The following MANBA variants were observed in gnomAD, a reference collection of about 807,000 sequenced individuals.
MANBA encodes the protein beta-mannosidase.
A neutral mutation model predicts 111.1 loss-of-function variants in MANBA; 83 were observed. That is an observed-to-expected ratio of 0.75 (90% confidence interval 0.63 to 0.90). MANBA has a LOEUF of 0.90. Ranked by LOEUF, MANBA falls within the 40% of genes least tolerant of loss-of-function variation. The pLI is 0.00. For synonymous variants in MANBA, 370 were observed against 378.7 expected (o/e 0.98, Z 0.27); for missense variants, 1,036 against 1,069.0 (o/e 0.97, Z 0.43).
Position 102,754,709 on chromosome 4 carries a change from A to G in MANBA, c.177+6009T>C, listed in dbSNP as rs191065772. Among the ~76,000 whole-genome samples the G allele has an allele frequency of 2.8e-4, 42 of 152,068 alleles. 1 individual carries two copies. Among genetic ancestry groups the G allele is most frequent in the Admixed American group, 4.6e-4 (7 of 15,268 alleles). On this transcript the variant is annotated intron_variant, in intron 1 of 16. Transcript: ENST00000647097. ...GTAGCTGGGACTACAGGTGCTGGCC[A>G]CCACGCCGGACTAATTTTTTGTATT...
chr4:102,658,422 A>T (rs532677887), intron 11 of MANBA, among the ~76,000 whole-genome samples: 2 of 152,350 alleles, frequency 1.3e-5, no homozygotes, highest in Admixed American at 1.3e-4. Context: ...CACAGGTCTA[A>T]CAGGTAAGAA....
chr4:102,709,171 A>C (rs745388369), intron 5 of MANBA, among the ~76,000 whole-genome samples: 116 of 151,412 alleles, frequency 7.7e-4, no homozygotes, highest in Admixed American at 1.3e-3. Context: ...AAAAGAAAGG[A>C]AAGGAGGGAG....
In MANBA at chr4:102,634,990, C is replaced by T. The variant is rs201530225; in HGVS notation, c.2213G>A (p.Arg738His). ...AGCCTCTCCTCCTTTCATCACAAAA[C>T]GTTCAGTCACACGAGAGCACACGGG... ...LEPVCSRVTE[R>H]FVMKGGEAVC... Residue 738 changes from arginine (R) to histidine (H), a missense_variant, in exon 16 of 17, where the codon CGT becomes CAT. Arg to His is a conservative substitution (Grantham distance 29, BLOSUM62 0). Transcript: ENST00000647097. 9 of 1,614,020 alleles carry T rather than the reference C, an allele frequency of 5.6e-6. No individual in the cohort carries two copies. The highest frequency in any genetic ancestry group is 3.3e-4 in the Middle Eastern group (2 of 6,084).
chr4:102,669,150 A>G, intron 9 of MANBA, 101 bp from the exon 10 acceptor site: 1 of 930,688 alleles, frequency 1.1e-6, no homozygotes, highest in Non-Finnish European at 1.7e-6. Context: ...CACACAAATG[A>G]AAAATCCAGT....
At chr4:102,728,855 C>G in intron 1 of MANBA, 1 of 842,864 alleles carries the variant, frequency 1.2e-6, no homozygotes, top group South Asian at 1.4e-5. Flanking sequence ...GGAGCTGGAG[C>G]CCACACCAGA....
intron 13 of MANBA, among the ~76,000 whole-genome samples, chr4:102,642,727 C>G (rs1368816691): frequency 2.6e-5 from 4 of 152,158 alleles, no homozygotes. Context: ...ATACGAAGAC[C>G]TAAGTTCCAG....
intron 1 of MANBA, chr4:102,752,677 A>G: frequency 2.0e-6 from 1 of 512,052 alleles, no homozygotes; most frequent in Non-Finnish European, 3.9e-6. Flanking sequence ...GATTCTTTAT[A>G]CAAATGAACT....
At chr4:102,683,449 G>A (rs1380287693) in intron 7 of MANBA, among the ~76,000 whole-genome samples, 2 of 152,118 alleles carry the variant, frequency 1.3e-5, no homozygotes, top group East Asian at 3.8e-4. Flanking sequence ...AAATAAATTA[G>A]GTGTAAGAGA....
chr4:102,636,229 A>T (rs1304647451), intron 14 of MANBA, among the ~76,000 whole-genome samples: 5 of 152,220 alleles, frequency 3.3e-5, no homozygotes, highest in Non-Finnish European at 7.3e-5. Flanking sequence ...GAACCAGGGC[A>T]GGCATTAACG....
chr4:102,728,062 A>G, intron 1 of MANBA: 1 of 520,354 alleles, frequency 1.9e-6, no homozygotes. Flanking sequence ...GGGTGGAGAT[A>G]GAAGGCACGC....
Position 102,719,158 on chromosome 4 carries a change from A to C in MANBA, c.549+3713T>G, listed in dbSNP as rs193258074. ...GTATTTCAGTCCTTATCTCAACCGC[A>C]TAAGACAGACACTCCCAGGGTGGCC... On this transcript the variant is annotated intron_variant, in intron 4 of 16. Coordinates refer to ENST00000647097, the MANE Select transcript of MANBA (RefSeq NM_005908.4). Among the ~76,000 whole-genome samples, 411 of 152,300 alleles carry C rather than the reference A, an allele frequency of 2.7e-3. 2 individuals are homozygous for C. Among genetic ancestry groups the C allele is most frequent in the African/African-American group, 9.5e-3 (396 of 41,548 alleles).
At chr4:102,687,321 A>G (rs1414919351) in intron 7 of MANBA, among the ~76,000 whole-genome samples, 2 of 127,754 alleles carry the variant, frequency 1.6e-5, no homozygotes, top group Admixed American at 1.5e-4. Context: ...CATCCTTCCA[A>G]TCTGATCTAC....
intron 5 of MANBA, among the ~76,000 whole-genome samples, chr4:102,702,911 T>C (rs1252215856): frequency 6.6e-6 from 1 of 152,194 alleles, no homozygotes; most frequent in Non-Finnish European, 1.5e-5. Context: ...AAGTGTCCCA[T>C]AGACAAATTA....
At chr4:102,752,200 A>C in intron 1 of MANBA, 1 of 841,740 alleles carries the variant, frequency 1.2e-6, no homozygotes. Flanking sequence ...TCTGCAGTGC[A>C]TCTTGGGACC....
chr4:102,755,858 A>C (rs938901888), intron 1 of MANBA, among the ~76,000 whole-genome samples: 22 of 152,148 alleles, frequency 1.4e-4, no homozygotes, highest in South Asian at 2.1e-4. Context: ...ATGCAGCCAA[A>C]AGACACATGA....
At chr4:102,651,973 A>T (rs1386813486) in intron 12 of MANBA, among the ~76,000 whole-genome samples, 1 of 152,034 alleles carries the variant, frequency 6.6e-6, no homozygotes, top group African/African-American at 2.4e-5. Flanking sequence ...TTTTTAATTG[A>T]CACAATAAGT....
At chr4:102,704,905 C>T (rs1185077885) in intron 5 of MANBA, among the ~76,000 whole-genome samples, 2 of 152,150 alleles carry the variant, frequency 1.3e-5, no homozygotes, top group Non-Finnish European at 2.9e-5. Flanking sequence ...TAACAGGAAA[C>T]ATATATTTCT....
intron 7 of MANBA, among the ~76,000 whole-genome samples, chr4:102,674,420 C>T (rs543463825): frequency 9.9e-5 from 15 of 152,238 alleles, no homozygotes; most frequent in African/African-American, 3.1e-4. Context: ...GAAAAAAATG[C>T]TGTCTTTGAA....
intron 9 of MANBA, 57 bp from the exon 10 acceptor site, chr4:102,669,106 A>G (rs970063949): frequency 3.8e-6 from 5 of 1,315,534 alleles, no homozygotes; most frequent in African/African-American, 1.5e-5. Flanking sequence ...TACACAGAAG[A>G]AAGTCTTTAT....
Sources: allele counts gnomAD v4.1 joint callset (sites outside exome capture counted in the v4.1 genomes callset), GRCh38; gene constraint gnomAD v4.1.1; transcripts MANE v1.5; gene names NCBI Gene and HGNC (gene_info 2026-07-23, HGNC 2026-07-21).